ARHGAP26: variants seen among roughly 807,000 people sequenced by gnomAD.
ARHGAP26 encodes Rho GTPase activating protein 26.
Under a neutral mutation model 104.8 loss-of-function variants are expected in ARHGAP26, and 38 were observed. The ratio of observed to expected loss-of-function variants is 0.36; its 90% CI spans 0.28 to 0.48. ARHGAP26 has a LOEUF of 0.48. Among genes scored for constraint, ARHGAP26 ranks in the 20% least tolerant of loss-of-function variants. The pLI is 0.99. For missense variants in ARHGAP26, 704 were observed against 947.9 expected, an observed-to-expected ratio of 0.74 and a Z score of 3.38; for synonymous variants, 341 against 340.0, an observed-to-expected ratio of 1.00 and a Z score of -0.03.
At chr5:142,955,942 G>A (rs1769163861) in intron 11 of ARHGAP26, among the ~76,000 whole-genome samples, 1 of 152,178 alleles carries the variant, frequency 6.6e-6, no homozygotes, top group Non-Finnish European at 1.5e-5. Flanking sequence ...GCAGCAGTGA[G>A]TGGAGTCCAG....
intron 10 of ARHGAP26, among the ~76,000 whole-genome samples, chr5:142,914,050 C>A (rs1370241258): frequency 6.6e-6 from 1 of 152,212 alleles, no homozygotes; most frequent in African/African-American, 2.4e-5. Flanking sequence ...GCATGATACT[C>A]CGTATAATGC....
intron 17 of ARHGAP26, among the ~76,000 whole-genome samples, chr5:143,086,557 A>G (rs1373245023): frequency 1.3e-5 from 2 of 152,248 alleles, no homozygotes; most frequent in African/African-American, 2.4e-5. Flanking sequence ...AATGACTTCA[A>G]GGAGCCATAA....
intron 1 of ARHGAP26, chr5:142,859,650 AATGTTGC>A (rs1183955655): frequency 1.3e-5 from 2 of 152,228 alleles, no homozygotes; most frequent in Non-Finnish European, 2.9e-5. Context: ...GAACAGTGGA[AATGTTGC>A]ACAAAATCAG....
At chr5:142,950,991 T>C (rs1300678070) in intron 11 of ARHGAP26, among the ~76,000 whole-genome samples, 1 of 5,322 alleles carries the variant, frequency 1.9e-4, no homozygotes, top group Non-Finnish European at 5.5e-4. Context: ...CCCTTCCTCT[T>C]TCCCTTTCTC....
intron 20 of ARHGAP26, among the ~76,000 whole-genome samples, chr5:143,200,669 A>G (rs1221667815): frequency 6.6e-6 from 1 of 152,152 alleles, no homozygotes; most frequent in Non-Finnish European, 1.5e-5. Context: ...GTATGGTTGT[A>G]TTTCTTTTCT....
intron 1 of ARHGAP26, among the ~76,000 whole-genome samples, chr5:142,792,960 G>A (rs1760164232): frequency 6.6e-6 from 1 of 152,184 alleles, no homozygotes; most frequent in Non-Finnish European, 1.5e-5. Flanking sequence ...GTTCATCGAA[G>A]GCAGAAAGGT....
chr5:143,060,300 C>G (rs1433392025), intron 17 of ARHGAP26, among the ~76,000 whole-genome samples: 2 of 152,176 alleles, frequency 1.3e-5, no homozygotes, highest in East Asian at 3.8e-4. Context: ...TCTCAGAATT[C>G]TGGTTCAAAG....
At chr5:142,853,704 G>T (rs1247048373) in intron 1 of ARHGAP26, among the ~76,000 whole-genome samples, 1 of 152,200 alleles carries the variant, frequency 6.6e-6, no homozygotes, top group Non-Finnish European at 1.5e-5. Flanking sequence ...CTATCATGAT[G>T]TTGAAAATCC....
At chr5:143,094,081 C>A (rs572359448) in intron 17 of ARHGAP26, among the ~76,000 whole-genome samples, 1 of 152,356 alleles carries the variant, frequency 6.6e-6, no homozygotes, top group African/African-American at 2.4e-5. Flanking sequence ...GACATCCCGA[C>A]TAAGGAATAC....
intron 11 of ARHGAP26, among the ~76,000 whole-genome samples, chr5:142,942,004 A>G (rs1228899267): frequency 6.6e-6 from 1 of 151,958 alleles, no homozygotes; most frequent in Non-Finnish European, 1.5e-5. Context: ...ATTAACAGAA[A>G]TTTCTTTTTT....
chr5:142,798,523 C>A (rs1669287492), intron 1 of ARHGAP26, among the ~76,000 whole-genome samples: 1 of 152,192 alleles, frequency 6.6e-6, no homozygotes, highest in Non-Finnish European at 1.5e-5. Flanking sequence ...GGATATTGTG[C>A]TCTGACTGTG....
chr5:143,036,885 T>TC (rs1269901516), intron 12 of ARHGAP26, among the ~76,000 whole-genome samples: 1 of 152,234 alleles, frequency 6.6e-6, no homozygotes, highest in Admixed American at 6.5e-5. Context: ...AAGGTACCTG[T>TC]CACCTTATGC....
chr5:142,873,707 C>A (rs1755664777), intron 2 of ARHGAP26, among the ~76,000 whole-genome samples: 1 of 152,174 alleles, frequency 6.6e-6, no homozygotes, highest in Admixed American at 6.5e-5. Flanking sequence ...CTCCAGCATG[C>A]AGGAGAGAAA....
In ARHGAP26 at chr5:143,133,991, C is replaced by T. The variant is rs1332646086; in HGVS notation, c.1723C>T (p.Pro575Ser). Residue 575 changes from proline (P) to serine (S), a missense_variant, in exon 19 of 23, where the codon CCT becomes TCT. Around this residue, in one of 6 missense-constraint regions of ARHGAP26, gnomAD observed 217 missense variants for 242.6 expected, o/e 0.89. Transcript: ENST00000645722. ...GATATTTAACACCGTGCCCGATATG[C>T]CTCTCACCAATGCCCAGCTGCACCT... ...EKIFNTVPDM[P>S]LTNAQLHLSR... 1 of 1,612,114 alleles carries T rather than the reference C, an allele frequency of 6.2e-7. No individual in the cohort carries two copies. Among genetic ancestry groups the T allele is most frequent in the Non-Finnish European group, 8.5e-7 (1 of 1,179,044 alleles).
At chr5:142,789,748 C>T (rs993766823) in intron 1 of ARHGAP26, among the ~76,000 whole-genome samples, 23 of 152,282 alleles carry the variant, frequency 1.5e-4, no homozygotes, top group African/African-American at 4.3e-4. Flanking sequence ...TTAGCAGACT[C>T]GAACACTTGG....
At chr5:143,161,852 C>T (rs258791) in intron 20 of ARHGAP26, among the ~76,000 whole-genome samples, 122,557 of 152,190 alleles carry the variant, frequency 0.81, 50,095 homozygotes, top group African/African-American at 0.91. Flanking sequence ...TTCTGGGTTT[C>T]GAGCAAATTG....
intron 1 of ARHGAP26, among the ~76,000 whole-genome samples, chr5:142,869,259 T>C (rs1003029259): frequency 1.3e-5 from 2 of 150,222 alleles, no homozygotes; most frequent in Non-Finnish European, 3.0e-5. Flanking sequence ...TAGGCTGGAG[T>C]GCAATGGTGC....
intron 11 of ARHGAP26, among the ~76,000 whole-genome samples, chr5:142,942,254 C>T (rs544384143): frequency 2.6e-5 from 4 of 152,018 alleles, no homozygotes; most frequent in South Asian, 2.1e-4. Flanking sequence ...ATTTTTTGTG[C>T]CATGGATACA....
intron 17 of ARHGAP26, among the ~76,000 whole-genome samples, chr5:143,112,731 T>C (rs1283641023): frequency 6.6e-6 from 1 of 152,228 alleles, no homozygotes; most frequent in African/African-American, 2.4e-5. Flanking sequence ...TGTGACTGGC[T>C]TATGTCACCT....
Sources: gnomAD v4.1 joint callset for allele counts (sites outside exome capture counted in the v4.1 genomes callset) on GRCh38, gnomAD v4.1.1 for gene constraint, gnomAD v4.1.1 regional missense constraint, MANE v1.5 for transcripts, NCBI Gene and HGNC (gene_info 2026-07-23, HGNC 2026-07-21) for gene names.